Variants in WAPL observed in about 807,000 individuals in gnomAD.
WAPL encodes the protein wings apart-like protein homolog.
WAPL carries 5 observed loss-of-function variants against 121.0 expected under a neutral mutation model. The observed-to-expected ratio is 0.04, with a 90% CI of 0.02 to 0.09. The LOEUF (loss-of-function observed/expected upper bound fraction) is 0.09. WAPL is among the 10% of genes least tolerant of loss of function. The probability of loss-of-function intolerance (pLI) is 1.00; values close to 1 mark genes in which losing one functional copy is unlikely to be tolerated. For missense variants in WAPL, 999 were observed against 1,410.8 expected (o/e 0.71, Z 4.68); for synonymous variants, 480 against 481.5 (o/e 1.00, Z 0.04).
chr10:86,514,026 C>G lies in WAPL; in HGVS notation c.499+3545G>C, dbSNP rs141130036. 1.1e-4 allele frequency among the ~76,000 whole-genome samples: 16 copies of G among 152,114 alleles called. No homozygotes were observed. The East Asian group carries it at 2.5e-3, about 24-fold the overall frequency. ...AACTTTATCATTCTCAGAAGGGTCC[C>G]TAAAGCAAAAAAGGTTAGGAACCAC... On this transcript the variant is annotated intron_variant, in intron 2 of 18. Transcript: ENST00000298767.
chr10:86,459,119 A>G (rs1217862834), intron 11 of WAPL, 54 bp from the exon 12 acceptor site: 5 of 1,374,630 alleles, frequency 3.6e-6, no homozygotes, highest in Non-Finnish European at 5.1e-6. Context: ...TCATTCATTC[A>G]TGTAACACCA....
chr10:86,492,130 T>A (rs1247945494), intron 4 of WAPL, among the ~76,000 whole-genome samples: 1 of 152,208 alleles, frequency 6.6e-6, no homozygotes, highest in Admixed American at 6.5e-5. Flanking sequence ...ATTCTTTGTG[T>A]CTGAGTTATT....
chr10:86,477,013 T>C (rs1167263660), intron 4 of WAPL, among the ~76,000 whole-genome samples: 1 of 152,234 alleles, frequency 6.6e-6, no homozygotes, highest in Non-Finnish European at 1.5e-5. Context: ...ACCATTTTAA[T>C]ACTAATAAGC....
At chr10:86,473,088 T>G (rs947674365) in intron 5 of WAPL, among the ~76,000 whole-genome samples, 10 of 152,118 alleles carry the variant, frequency 6.6e-5, no homozygotes, top group African/African-American at 2.4e-4. Flanking sequence ...ATAGCTTTCA[T>G]AAGCAGAAAG....
chr10:86,475,719 C>T (rs1250098152), intron 4 of WAPL, among the ~76,000 whole-genome samples: 1 of 152,204 alleles, frequency 6.6e-6, no homozygotes, highest in Non-Finnish European at 1.5e-5. Context: ...TCTATTCCTT[C>T]CATTCTTTTC....
intron 9 of WAPL, among the ~76,000 whole-genome samples, chr10:86,466,858 C>G (rs1841410026): frequency 6.6e-6 from 1 of 152,110 alleles, no homozygotes; most frequent in Non-Finnish European, 1.5e-5. Flanking sequence ...ACCACCATAT[C>G]TGGCTGATTT....
In WAPL at chr10:86,461,243, T is replaced by A; in HGVS notation, c.2415A>T (p.Lys805Asn). 2.5e-6 allele frequency: 4 copies of A among 1,613,778 alleles called. No homozygotes were observed. Among genetic ancestry groups the A allele is most frequent in the Non-Finnish European group, 3.4e-6 (4 of 1,179,888 alleles). The change falls in exon 10 of 19, where the codon AAA becomes AAT. Residue 805 changes from lysine to asparagine, a missense_variant. Around this residue, in one of 7 missense-constraint regions of WAPL, gnomAD observed 118 missense variants for 318.3 expected, o/e 0.37. Coordinates refer to ENST00000298767, the MANE Select transcript of WAPL (RefSeq NM_015045.5). Reference sequence around the variant, plus strand: ...CTTCTTTAAACCAGTCTCCTGCTCGTTTAGAAGTAAGGGATAATAATGTCT... The same window carrying A: ...CTTCTTTAAACCAGTCTCCTGCTCGATTAGAAGTAAGGGATAATAATGTCT... Reference protein sequence around the residue: ...AMETLLSLTSKRAGDWFKEEL... With the variant: ...AMETLLSLTSNRAGDWFKEEL...
chr10:86,464,746 G>C (rs1841361290), intron 9 of WAPL, among the ~76,000 whole-genome samples: 1 of 152,152 alleles, frequency 6.6e-6, no homozygotes, highest in Non-Finnish European at 1.5e-5. Context: ...TGATGCATGA[G>C]AATCATTTGA....
chr10:86,453,340 A>G lies in WAPL; in HGVS notation c.2834-5T>C. Reference sequence around the variant, plus strand: ...CTGTTTTGGTGCTGCCCCACTCTGAAATAAGAAATGGATACAGGAAAATGG... The same window carrying G: ...CTGTTTTGGTGCTGCCCCACTCTGAGATAAGAAATGGATACAGGAAAATGG... On this transcript the variant is annotated splice_polypyrimidine_tract_variant and splice_region_variant and intron_variant, in intron 13 of 18. Coordinates refer to ENST00000298767, the MANE Select transcript of WAPL (RefSeq NM_015045.5). The G allele has an allele frequency of 6.2e-7, 1 of 1,613,796 alleles. No individual in the cohort carries two copies. The highest frequency in any genetic ancestry group is 8.5e-7 in the Non-Finnish European group (1 of 1,179,824).
intron 16 of WAPL, 95 bp from the exon 17 acceptor site, chr10:86,443,458 G>T: frequency 1.0e-6 from 1 of 953,918 alleles, no homozygotes; most frequent in Non-Finnish European, 1.6e-6. Flanking sequence ...CTTTAAAACT[G>T]CTACAAATCA....
At chr10:86,473,776 T>G in intron 5 of WAPL, 102 bp downstream of exon 5, 1 of 935,262 alleles carries the variant, frequency 1.1e-6, no homozygotes, top group Non-Finnish European at 1.6e-6. Context: ...AATAAACTGT[T>G]AAATAGAAAA....
intron 4 of WAPL, among the ~76,000 whole-genome samples, chr10:86,486,817 G>A (rs575861119): frequency 2.6e-5 from 4 of 152,018 alleles, no homozygotes; most frequent in African/African-American, 7.2e-5. Flanking sequence ...TTAGCTGGAC[G>A]CAGTGGCGTG....
At chr10:86,508,922 A>AT (rs1473676821) in intron 2 of WAPL, among the ~76,000 whole-genome samples, 1 of 151,218 alleles carries the variant, frequency 6.6e-6, no homozygotes, top group Non-Finnish European at 1.5e-5. Context: ...CGCCCGGCTA[A>AT]TTTTTTGTAT....
chr10:86,472,113 C>T lies in WAPL; in HGVS notation c.2030+95G>A. ...GGCTATACATACTACCCCATCATAA[C>T]AAAATAAAAAATGTTTGGCTTTTTG... is the stretch of plus-strand genomic sequence containing the variant. On this transcript the variant is annotated intron_variant, in intron 7 of 18. Transcript: ENST00000298767. This position sits in a 1 kb window ranked among gnomAD's most constrained non-coding sequence, Gnocchi z 4.2. 5 of 1,264,744 alleles carry T rather than the reference C, an allele frequency of 4.0e-6. No homozygotes were observed. The highest frequency in any genetic ancestry group is 5.4e-6 in the Non-Finnish European group (5 of 933,802). The allele number at this position is 1,264,744 out of a possible 1,614,324, so 78.3% of individuals were successfully genotyped here.
intron 4 of WAPL, 92 bp downstream of exon 4, chr10:86,497,109 G>T: frequency 9.8e-7 from 1 of 1,020,426 alleles, no homozygotes; most frequent in Non-Finnish European, 1.5e-6. Flanking sequence ...CAGTTGCTAT[G>T]ATGTTTATTA....
intron 4 of WAPL, among the ~76,000 whole-genome samples, chr10:86,485,214 T>C (rs1480100369): frequency 6.6e-6 from 1 of 151,982 alleles, no homozygotes; most frequent in Non-Finnish European, 1.5e-5. Flanking sequence ...TAAAATACTT[T>C]GAACTTTCAA....
intron 1 of WAPL, among the ~76,000 whole-genome samples, chr10:86,521,139 T>G (rs544970034): frequency 2.0e-3 from 305 of 152,206 alleles, no homozygotes; most frequent in African/African-American, 6.8e-3. Flanking sequence ...TCAACACACT[T>G]GACTGGGTTT....
At chr10:86,508,203 T>G (rs922917588) in intron 2 of WAPL, among the ~76,000 whole-genome samples, 2 of 152,208 alleles carry the variant, frequency 1.3e-5, no homozygotes, top group African/African-American at 4.8e-5. Context: ...AACTCTTTCC[T>G]GCTCCCCCAA....
chr10:86,475,758 G>C (rs1282228919), intron 4 of WAPL, among the ~76,000 whole-genome samples: 2 of 152,194 alleles, frequency 1.3e-5, no homozygotes, highest in African/African-American at 4.8e-5. Flanking sequence ...TTGTGTGTCT[G>C]CTAGTTATGG....
Sources: gnomAD v4.1 joint callset for allele counts (sites outside exome capture counted in the v4.1 genomes callset) on GRCh38, gnomAD v4.1.1 for gene constraint, gnomAD v4.1.1 regional missense constraint, Gnocchi (gnomAD v3.1) non-coding constraint, MANE v1.5 for transcripts, NCBI Gene and HGNC (gene_info 2026-07-23, HGNC 2026-07-21) for gene names.